Variants in MAP9 observed in about 807,000 individuals in gnomAD.
MAP9 encodes microtubule-associated protein 9.
A neutral mutation model predicts 75.2 loss-of-function variants in MAP9; 80 were observed. That is an observed-to-expected ratio of 1.06 (90% CI 0.89 to 1.28). The LOEUF (loss-of-function observed/expected upper bound fraction) is 1.28, where lower values mean the gene tolerates loss of function less well. MAP9 is among the 50% of genes most tolerant of loss of function. MAP9 has a pLI of 0.00. For missense variants in MAP9, 753 were observed against 719.9 expected (o/e 1.05, Z -0.53); for synonymous variants, 235 against 237.3 (o/e 0.99, Z 0.09).
At chr4:155,351,663 T>A (rs1363567749) in intron 13 of MAP9, among the ~76,000 whole-genome samples, 1 of 151,800 alleles carries the variant, frequency 6.6e-6, no homozygotes, top group East Asian at 1.9e-4. Context: ...GTGTGCAAAG[T>A]CTATGAAATG....
At chr4:155,356,032 G>GCT in intron 8 of MAP9, 148 bp from the exon 9 acceptor site, 1 of 695,036 alleles carries the variant, frequency 1.4e-6, no homozygotes, top group Non-Finnish European at 2.3e-6. Flanking sequence ...AGGCCAAAGT[G>GCT]GGTGGATGAC....
In MAP9 at chr4:155,367,614, T is replaced by G. The variant is rs1057251586; in HGVS notation, c.708+972A>C. 1.3e-5 allele frequency: 2 copies of G among 152,386 alleles called. 1 individual carries two copies. Among genetic ancestry groups the G allele is most frequent in the South Asian group, 4.1e-4 (2 of 4,832 alleles). 9.4% of individuals were successfully genotyped at this position (152,386 alleles called of 1,614,324 possible). On this transcript the variant is annotated intron_variant, in intron 5 of 13. Transcript: ENST00000311277. Reference sequence around the variant, plus strand: ...AAGTATTTGCTTGGGTTTCTTCTTCTGGTTTTCAGAACAAATTAAGAAACA... The same window carrying G: ...AAGTATTTGCTTGGGTTTCTTCTTCGGGTTTTCAGAACAAATTAAGAAACA...
In MAP9 at chr4:155,344,794, A is replaced by G. The variant is rs1208789566; in HGVS notation, c.*2989T>C. ...CATTATTATGAAATTTAAATTCTGT[A>G]TACTACTTTATTATTTAGTATTAAT... On this transcript the variant is annotated 3_prime_UTR_variant, in exon 14 of 14. Coordinates refer to ENST00000311277, the MANE Select transcript of MAP9 (RefSeq NM_001039580.2). 6.6e-6 allele frequency: 1 copy of G among 151,976 alleles called. No individual in the cohort carries two copies. The highest frequency in any genetic ancestry group is 2.4e-5 in the African/African-American group (1 of 41,456). 9.4% of individuals were successfully genotyped at this position (151,976 alleles called of 1,614,324 possible). A position where few individuals can be genotyped will look rare whatever the true frequency, so the allele number is the denominator to read the frequency against.
rs1253694157 is a variant in MAP9 at position 155,346,971 on chromosome 4, T to G, written c.*812A>C. ...ATGACAATAATTGCCTAAATCACCT[T>G]TATGGCTTTAGTCAGGAAAATAATT... is the stretch of plus-strand genomic sequence containing the variant. On this transcript the variant is annotated 3_prime_UTR_variant, in exon 14 of 14. Coordinates refer to ENST00000311277, the MANE Select transcript of MAP9 (RefSeq NM_001039580.2). 1 of 152,262 alleles carries G rather than the reference T, an allele frequency of 6.6e-6. No homozygotes were observed. Among genetic ancestry groups the G allele is most frequent in the Non-Finnish European group, 1.5e-5 (1 of 67,936 alleles). The allele number at this position is 152,262 out of a possible 1,614,324, so 9.4% of individuals were successfully genotyped here.
chr4:155,362,901 G>A (rs1035603861), intron 5 of MAP9: 4 of 152,294 alleles, frequency 2.6e-5, no homozygotes, highest in African/African-American at 9.6e-5. Flanking sequence ...TGAGACACTG[G>A]AGTCTACCCT....
intron 5 of MAP9, 130 bp downstream of exon 5, chr4:155,368,453 TATC>T: frequency 1.4e-6 from 1 of 728,948 alleles, no homozygotes; most frequent in Non-Finnish European, 2.4e-6. Flanking sequence ...ATTATTTCCT[TATC>T]AGTTGCAGAA....
intron 6 of MAP9, 173 bp from the exon 7 acceptor site, chr4:155,360,588 C>T (rs1284960307): frequency 1.8e-6 from 1 of 559,700 alleles, no homozygotes; most frequent in East Asian, 3.2e-5. Context: ...AAGTGATTTA[C>T]AAAAAAAAAT....
chr4:155,375,398 C>T lies in MAP9; in HGVS notation c.76-377G>A, dbSNP rs1050833652. ...TTGGTATTTTTAAGAGCTTTTGTCT[C>T]GGCATATTTCAGAAATGGATGCAAT... On this transcript the variant is annotated intron_variant, in intron 2 of 13. Coordinates refer to ENST00000311277, the MANE Select transcript of MAP9 (RefSeq NM_001039580.2). Among the ~76,000 whole-genome samples, 5 of 151,916 alleles carry T rather than the reference C, an allele frequency of 3.3e-5. No individual in the cohort carries two copies. In the East Asian group the frequency reaches 9.7e-4, roughly 29 times the overall value.
chr4:155,348,119 T>A (rs1038005128), intron 13 of MAP9, among the ~76,000 whole-genome samples: 1 of 152,160 alleles, frequency 6.6e-6, no homozygotes, highest in Non-Finnish European at 1.5e-5. Context: ...GTGGATTGTT[T>A]GAGCCTGGGA....
rs912410856 is a variant in MAP9, at chr4:155,345,380, A to C, written c.*2403T>G. 3 of 152,066 alleles carry C rather than the reference A, an allele frequency of 2.0e-5. No individual in the cohort carries two copies. The highest frequency in any genetic ancestry group is 4.4e-5 in the Non-Finnish European group (3 of 67,966). The allele number at this position is 152,066 out of a possible 1,614,324, so 9.4% of individuals were successfully genotyped here. Reference sequence around the variant, plus strand: ...TCCTACCTCAGAAGCAATCCTAAGAAATTAATACTTACTTAGCTTTCTTTT... The same window carrying C: ...TCCTACCTCAGAAGCAATCCTAAGACATTAATACTTACTTAGCTTTCTTTT... On this transcript the variant is annotated 3_prime_UTR_variant, in exon 14 of 14. Transcript: ENST00000311277.
rs758673309 is a variant in MAP9 at position 155,345,650 on chromosome 4, A to G, written c.*2133T>C. On this transcript the variant is annotated 3_prime_UTR_variant, in exon 14 of 14. Transcript: ENST00000311277. Reference sequence around the variant, plus strand: ...AACAATGAACATTTAAGTCCTTATTATGTGTCAAATAGTTTACATTAATTA... The same window carrying G: ...AACAATGAACATTTAAGTCCTTATTGTGTGTCAAATAGTTTACATTAATTA... The G allele has an allele frequency of 1.2e-4, 18 of 152,166 alleles. No homozygotes were observed. Among genetic ancestry groups the G allele is most frequent in the African/African-American group, 1.7e-4 (7 of 41,472 alleles). The allele number at this position is 152,166 out of a possible 1,614,324, so 9.4% of individuals were successfully genotyped here. A position where few individuals can be genotyped will look rare whatever the true frequency, so the allele number is the denominator to read the frequency against.
chr4:155,364,185 A>AT (rs1188984013), intron 5 of MAP9, among the ~76,000 whole-genome samples: 6 of 152,122 alleles, frequency 3.9e-5, no homozygotes, highest in African/African-American at 1.4e-4. Flanking sequence ...GGAAACCTAT[A>AT]AAGAGCTGGA....
intron 5 of MAP9, among the ~76,000 whole-genome samples, chr4:155,366,505 A>G (rs1444360426): frequency 6.6e-6 from 1 of 152,228 alleles, no homozygotes; most frequent in Non-Finnish European, 1.5e-5. Context: ...CAAAACTGCA[A>G]TTACTTTTGC....
intron 10 of MAP9, among the ~76,000 whole-genome samples, chr4:155,353,639 T>C (rs1014941345): frequency 2.0e-5 from 3 of 152,050 alleles, no homozygotes; most frequent in African/African-American, 7.2e-5. Context: ...CTAAACAAAT[T>C]ATATCAAAAT....
Position 155,343,924 on chromosome 4 carries a change from G to T in MAP9, c.*3859C>A, listed in dbSNP as rs181103182. On this transcript the variant is annotated 3_prime_UTR_variant, in exon 14 of 14. Transcript: ENST00000311277. Reference sequence around the variant, plus strand: ...GCATTTTATTATCCTATTAGCCAGTGTAAATGCAAACTAGGAAAGTTGATA... The same window carrying T: ...GCATTTTATTATCCTATTAGCCAGTTTAAATGCAAACTAGGAAAGTTGATA... 226 of 152,020 alleles carry T rather than the reference G, an allele frequency of 1.5e-3. 8 individuals carry two copies. The highest frequency in any genetic ancestry group is 0.015 in the Admixed American group (226 of 15,268). 9.4% of individuals were successfully genotyped at this position (152,020 alleles called of 1,614,324 possible).
In MAP9 at chr4:155,346,829, G is replaced by C. The variant is rs920896607; in HGVS notation, c.*954C>G. On this transcript the variant is annotated 3_prime_UTR_variant, in exon 14 of 14. Coordinates refer to ENST00000311277, the MANE Select transcript of MAP9 (RefSeq NM_001039580.2). ...GGTCAAGTATGAGACCAGTTACTAC[G>C]AGGACATGCAGAGATCAAATAAATA... 4 of 152,524 alleles carry C rather than the reference G, an allele frequency of 2.6e-5. No homozygotes were observed. Among genetic ancestry groups the C allele is most frequent in the Non-Finnish European group, 5.9e-5 (4 of 68,028 alleles). The allele number at this position is 152,524 out of a possible 1,614,324, so 9.4% of individuals were successfully genotyped here.
chr4:155,349,971 C>A (rs1262139263), intron 13 of MAP9: 2 of 211,346 alleles, frequency 9.5e-6, no homozygotes, highest in Non-Finnish European at 1.9e-5. Context: ...ATTAAAAGAA[C>A]CTTGTTAAAA....
At position 155,368,692 on chromosome 4, in the gene MAP9, A is replaced by G. The variant is rs985547925; in HGVS notation, c.602T>C (p.Leu201Pro). 1.1e-5 allele frequency: 17 copies of G among 1,613,998 alleles called. No individual in the cohort carries two copies. The highest frequency in any genetic ancestry group is 1.7e-5 in the Admixed American group (1 of 60,006). Residue 201 changes from leucine to proline, a missense_variant, in exon 5 of 14, where the codon CTC becomes CCC. Physicochemically the swap from Leu to Pro is moderately conservative, Grantham distance 98. Coordinates refer to ENST00000311277, the MANE Select transcript of MAP9 (RefSeq NM_001039580.2). ...AGAATGTAACTCCAATTCTTCACTG[A>G]GGGCAGTTTCTTTATCTTCTAGTCC... ...KDGLEDKETA[L>P]SEELELHSAP...
chr4:155,372,489 A>G (rs1732644457), intron 4 of MAP9, among the ~76,000 whole-genome samples: 1 of 152,158 alleles, frequency 6.6e-6, no homozygotes, highest in Non-Finnish European at 1.5e-5. Context: ...AAATTCAGTA[A>G]AATTGTGGGC....
Sources: allele counts gnomAD v4.1 joint callset (sites outside exome capture counted in the v4.1 genomes callset), GRCh38; gene constraint gnomAD v4.1.1; transcripts MANE v1.5; gene names NCBI Gene and HGNC (gene_info 2026-07-23, HGNC 2026-07-21).